Variants in TAFA1 observed in about 807,000 individuals in gnomAD.
TAFA1 encodes the protein chemokine-like protein TAFA-1.
A neutral mutation model predicts 18.5 loss-of-function variants in TAFA1; 4 were observed. The observed-to-expected ratio is 0.22, with a 90% confidence interval of 0.11 to 0.49. The LOEUF (loss-of-function observed/expected upper bound fraction) is 0.49, where lower values mean the gene tolerates loss of function less well. TAFA1 is among the 20% of genes least tolerant of loss of function. TAFA1 has a pLI of 0.98. For synonymous variants in TAFA1, 56 were observed against 55.2 expected (o/e 1.01, Z -0.06); for missense variants, 147 against 169.0 (o/e 0.87, Z 0.72).
chr3:68,153,132 A>G (rs2065827232), intron 2 of TAFA1, among the ~76,000 whole-genome samples: 1 of 152,196 alleles, frequency 6.6e-6, no homozygotes, highest in East Asian at 1.9e-4. Flanking sequence ...TAGTCAAGCT[A>G]TCATTTTCCC....
chr3:68,337,434 T>C (rs2068992256), intron 2 of TAFA1, among the ~76,000 whole-genome samples: 1 of 152,044 alleles, frequency 6.6e-6, no homozygotes, highest in Admixed American at 6.6e-5. Flanking sequence ...CCTCCAACAC[T>C]GGGGATTACA....
chr3:68,035,789 A>G (rs552955202), intron 2 of TAFA1, among the ~76,000 whole-genome samples: 2 of 152,312 alleles, frequency 1.3e-5, no homozygotes, highest in East Asian at 1.9e-4. Context: ...ATGTCCTTTA[A>G]TGGGTTGGAT....
chr3:68,075,643 T>A (rs2064813797), intron 2 of TAFA1, among the ~76,000 whole-genome samples: 1 of 152,018 alleles, frequency 6.6e-6, no homozygotes, highest in Non-Finnish European at 1.5e-5. Flanking sequence ...GAAGCCAATG[T>A]CAAATGTCAA....
At chr3:68,467,259 A>G (rs1438180946) in intron 3 of TAFA1, among the ~76,000 whole-genome samples, 1 of 152,202 alleles carries the variant, frequency 6.6e-6, no homozygotes, top group Non-Finnish European at 1.5e-5. Flanking sequence ...GGTGACATAC[A>G]TCCTCAGCTT....
intron 3 of TAFA1, among the ~76,000 whole-genome samples, chr3:68,444,697 C>G (rs1435832914): frequency 1.3e-5 from 2 of 149,778 alleles, no homozygotes; most frequent in Non-Finnish European, 3.0e-5. Flanking sequence ...TTTGGGAGGC[C>G]AAGTCAGGAG....
At chr3:68,394,202 T>C (rs2070328411) in intron 2 of TAFA1, among the ~76,000 whole-genome samples, 1 of 152,082 alleles carries the variant, frequency 6.6e-6, no homozygotes, top group Non-Finnish European at 1.5e-5. Context: ...CCATTCACAA[T>C]TGCTGCAAAG....
At chr3:68,295,508 A>C (rs2107286604) in intron 2 of TAFA1, among the ~76,000 whole-genome samples, 1 of 152,298 alleles carries the variant, frequency 6.6e-6, no homozygotes, top group South Asian at 2.1e-4. Flanking sequence ...CATTTGGAAA[A>C]GAAACACACA....
At position 68,173,261 on chromosome 3, in the gene TAFA1, A is replaced by G. The variant is rs565140650; in HGVS notation, c.118+166517A>G. Reference sequence around the variant, plus strand: ...TTTACTTGAAATATGTACATTATTCAAATGTACTAAGATGTAAAAACTGTC... The same window carrying G: ...TTTACTTGAAATATGTACATTATTCGAATGTACTAAGATGTAAAAACTGTC... On this transcript the variant is annotated intron_variant, in intron 2 of 4. Coordinates refer to ENST00000478136, the MANE Select transcript of TAFA1 (RefSeq NM_213609.4). 9.2e-5 allele frequency among the ~76,000 whole-genome samples: 14 copies of G among 152,244 alleles called. No individual in the cohort carries two copies. In the East Asian group the frequency reaches 2.7e-3, roughly 29 times the overall value.
intron 2 of TAFA1, among the ~76,000 whole-genome samples, chr3:68,362,468 A>C (rs531851351): frequency 1.3e-5 from 2 of 152,174 alleles, no homozygotes; most frequent in African/African-American, 2.4e-5. Flanking sequence ...ACAGAGAATC[A>C]AGCTATAATG....
intron 2 of TAFA1, among the ~76,000 whole-genome samples, chr3:68,022,688 G>T (rs2106799781): frequency 6.6e-6 from 1 of 151,468 alleles, no homozygotes; most frequent in African/African-American, 2.4e-5. Flanking sequence ...AAGAATACAA[G>T]GGAAAATGCA....
intron 2 of TAFA1, among the ~76,000 whole-genome samples, chr3:68,083,383 A>G (rs2064928984): frequency 6.6e-6 from 1 of 152,236 alleles, no homozygotes; most frequent in African/African-American, 2.4e-5. Context: ...TGTGAAAAAC[A>G]TTTCAAGTAA....
intron 4 of TAFA1, among the ~76,000 whole-genome samples, chr3:68,540,086 A>G (rs1169057579): frequency 6.6e-6 from 1 of 152,168 alleles, no homozygotes; most frequent in Non-Finnish European, 1.5e-5. Flanking sequence ...TTTTCAGTGA[A>G]TAAAATTGGT....
At chr3:68,447,684 C>G (rs1009135272) in intron 3 of TAFA1, among the ~76,000 whole-genome samples, 2 of 152,076 alleles carry the variant, frequency 1.3e-5, no homozygotes, top group African/African-American at 2.4e-5. Context: ...GGAAGCAAAC[C>G]CAGACTCATG....
intron 2 of TAFA1, among the ~76,000 whole-genome samples, chr3:68,301,124 T>A (rs1221173901): frequency 6.6e-6 from 1 of 152,206 alleles, no homozygotes; most frequent in African/African-American, 2.4e-5. Context: ...AAATATTTAA[T>A]GAAACATTTC....
At chr3:68,329,513 A>G (rs2068829870) in intron 2 of TAFA1, among the ~76,000 whole-genome samples, 1 of 152,120 alleles carries the variant, frequency 6.6e-6, no homozygotes, top group Non-Finnish European at 1.5e-5. Context: ...ATGGTTAATG[A>G]CATGTTAGAG....
intron 2 of TAFA1, among the ~76,000 whole-genome samples, chr3:68,156,075 C>T (rs947328348): frequency 1.3e-5 from 2 of 152,118 alleles, no homozygotes; most frequent in African/African-American, 4.8e-5. Context: ...CCGTTTCTGA[C>T]ATCTGAGTTC....
intron 2 of TAFA1, among the ~76,000 whole-genome samples, chr3:68,357,777 T>C (rs781304318): frequency 6.6e-6 from 1 of 151,952 alleles, no homozygotes; most frequent in Non-Finnish European, 1.5e-5. Flanking sequence ...CTTTTAGAGA[T>C]GTAAGTGTCC....
At chr3:68,212,826 G>GTGCGATC (rs1352745447) in intron 2 of TAFA1, among the ~76,000 whole-genome samples, 3 of 151,992 alleles carry the variant, frequency 2.0e-5, no homozygotes, top group Admixed American at 6.6e-5. Context: ...CCTGACCCAT[G>GTGCGATC]TGCGATCTTT....
At chr3:68,544,254 G>A (rs1412797033) in intron 4 of TAFA1, among the ~76,000 whole-genome samples, 1 of 152,014 alleles carries the variant, frequency 6.6e-6, no homozygotes, top group East Asian at 1.9e-4. Flanking sequence ...TCACTCCTCA[G>A]GAGTGACATC....
Sources: gnomAD v4.1 joint callset for allele counts (sites outside exome capture counted in the v4.1 genomes callset) on GRCh38, gnomAD v4.1.1 for gene constraint, MANE v1.5 for transcripts, NCBI Gene and HGNC (gene_info 2026-07-23, HGNC 2026-07-21) for gene names.